RPS6KA2: variants seen among roughly 807,000 people sequenced by gnomAD.
RPS6KA2 encodes ribosomal protein S6 kinase A2.
Under a neutral mutation model 91.8 loss-of-function variants are expected in RPS6KA2, and 42 were observed. The observed-to-expected ratio is 0.46, with a 90% confidence interval of 0.36 to 0.59. The LOEUF (loss-of-function observed/expected upper bound fraction) is 0.59. Ranked by LOEUF, RPS6KA2 falls within the 20% of genes least tolerant of loss-of-function variation. The probability of loss-of-function intolerance (pLI) is 0.00; values close to 1 mark genes in which losing one functional copy is unlikely to be tolerated. For synonymous variants in RPS6KA2, 414 were observed against 393.6 expected, an observed-to-expected ratio of 1.05 and a Z score of -0.61; for missense variants, 798 against 978.5, an observed-to-expected ratio of 0.82 and a Z score of 2.46.
rs115655341 is a variant in RPS6KA2 at position 166,463,829 on chromosome 6, G to T, written c.973-4278C>A. Among the ~76,000 whole-genome samples, 541 of 152,284 alleles carry T rather than the reference G, an allele frequency of 3.6e-3. 1 individual carries two copies. Among genetic ancestry groups the T allele is most frequent in the African/African-American group, 0.012 (504 of 41,560 alleles). ...GAGAGAAGACAGGATCGAAAGCGCCGCAGGAAGAATCTAAACGATTTTCAA... is the reference window on the plus strand; with the variant it reads ...GAGAGAAGACAGGATCGAAAGCGCCTCAGGAAGAATCTAAACGATTTTCAA... On this transcript the variant is annotated intron_variant, in intron 11 of 20. Transcript: ENST00000265678.
chr6:166,428,048 A>G (rs1303673598), intron 16 of RPS6KA2, among the ~76,000 whole-genome samples: 4 of 151,870 alleles, frequency 2.6e-5, no homozygotes, highest in African/African-American at 7.3e-5. Flanking sequence ...ACCTGACTTC[A>G]AACTATACTA....
intron 1 of RPS6KA2, among the ~76,000 whole-genome samples, chr6:166,588,684 A>C (rs1785264803): frequency 6.6e-6 from 1 of 152,242 alleles, no homozygotes; most frequent in African/African-American, 2.4e-5. Flanking sequence ...TCTCAACTCC[A>C]GAATGTGGGC....
intron 10 of RPS6KA2, among the ~76,000 whole-genome samples, chr6:166,487,638 G>A (rs1562528291): frequency 6.6e-6 from 1 of 152,324 alleles, no homozygotes; most frequent in East Asian, 1.9e-4. Context: ...CAGGAAGGAA[G>A]AGTGGTTTAC....
rs796423387 is a variant in RPS6KA2, at chr6:166,417,649, ACACG to A, written c.1938+572_1938+575del. On this transcript the variant is annotated intron_variant, in intron 19 of 20. Transcript: ENST00000265678. The stretch of plus-strand genomic sequence containing the variant: ...CACACACACACACACACACACACAC[ACACG>A]CACGCATGTTCTGTTTGTTTCTTTG... Among the ~76,000 whole-genome samples the A allele has an allele frequency of 1.1e-4, 17 of 147,996 alleles. No homozygotes were observed. The South Asian group carries it at 3.7e-3, about 32-fold the overall frequency.
At chr6:166,830,505 T>C (rs1780158706) in intron 2 of RPS6KA2, among the ~76,000 whole-genome samples, 1 of 152,210 alleles carries the variant, frequency 6.6e-6, no homozygotes, top group Admixed American at 6.5e-5. Context: ...GTTAAGATGG[T>C]ACATTTTATA....
rs565485431 is a variant in RPS6KA2, at chr6:166,534,900, A to G, written c.217-3587T>C. Among the ~76,000 whole-genome samples, 9 of 152,364 alleles carry G rather than the reference A, an allele frequency of 5.9e-5. No homozygotes were observed. In the South Asian group the frequency reaches 1.9e-3, roughly 32 times the overall value. On this transcript the variant is annotated intron_variant, in intron 2 of 20. Transcript: ENST00000265678. ...GGCACCTTGAGACGAGCAGCAAAAT[A>G]CAGCAAAAATGCAAAAATGATTTTG...
chr6:166,585,347 T>A (rs1785135094), intron 1 of RPS6KA2, among the ~76,000 whole-genome samples: 1 of 152,238 alleles, frequency 6.6e-6, no homozygotes, highest in Non-Finnish European at 1.5e-5. Flanking sequence ...ATTGCTGACA[T>A]GTCTGTATTG....
chr6:166,768,156 G>C (rs2128605768), intron 2 of RPS6KA2, among the ~76,000 whole-genome samples: 1 of 152,308 alleles, frequency 6.6e-6, no homozygotes, highest in East Asian at 1.9e-4. Flanking sequence ...AGAAAGAGGA[G>C]GAAACCCAGA....
rs185939167 is a variant in RPS6KA2, at chr6:166,463,971, C to G, written c.973-4420G>C. On this transcript the variant is annotated intron_variant, in intron 11 of 20. Transcript: ENST00000265678. ...ACCTGAAGGGTGATGATTCATTGCA[C>G]AGAGTCCTTGCTGGGTTCCCTGAAG... Among the ~76,000 whole-genome samples, 15 of 152,270 alleles carry G rather than the reference C, an allele frequency of 9.9e-5. No individual in the cohort carries two copies. In the East Asian group the frequency reaches 2.7e-3, roughly 27 times the overall value.
chr6:166,723,065 A>G (rs949383023), intron 2 of RPS6KA2, among the ~76,000 whole-genome samples: 2 of 152,222 alleles, frequency 1.3e-5, no homozygotes, highest in African/African-American at 4.8e-5. Context: ...AAAAGAGCCC[A>G]GAATACTGTT....
At chr6:166,621,249 C>A (rs955340516) in intron 1 of RPS6KA2, among the ~76,000 whole-genome samples, 2 of 152,234 alleles carry the variant, frequency 1.3e-5, no homozygotes, top group Non-Finnish European at 2.9e-5. Context: ...CTGCTTCTGG[C>A]CTGCTTGGTA....
intron 1 of RPS6KA2, among the ~76,000 whole-genome samples, chr6:166,559,224 C>T (rs999794147): frequency 1.8e-4 from 27 of 151,920 alleles, no homozygotes; most frequent in African/African-American, 6.3e-4. Flanking sequence ...CCAGAACTAC[C>T]GTATCATTCT....
At chr6:166,835,951 A>G (rs1384718531) in intron 2 of RPS6KA2, among the ~76,000 whole-genome samples, 3 of 152,162 alleles carry the variant, frequency 2.0e-5, no homozygotes, top group African/African-American at 7.2e-5. Context: ...GAGTTTTCTC[A>G]AGTGATTTTT....
In RPS6KA2 at chr6:166,437,130, T is replaced by G. The variant is rs745751537; in HGVS notation, c.1333-4640A>C. 5.9e-5 allele frequency among the ~76,000 whole-genome samples: 9 copies of G among 151,998 alleles called. No homozygotes were observed. Among genetic ancestry groups the G allele is most frequent in the Non-Finnish European group, 1.2e-4 (8 of 68,014 alleles). Reference sequence around the variant, plus strand: ...TAACGCAGGAGTGGGCAGTGAGGTGTGGCTACAGTCCTGGAGTACATGACC... The same window carrying G: ...TAACGCAGGAGTGGGCAGTGAGGTGGGGCTACAGTCCTGGAGTACATGACC... On this transcript the variant is annotated intron_variant, in intron 14 of 20. Transcript: ENST00000265678. This position sits in a 1 kb window ranked among gnomAD's most constrained non-coding sequence, Gnocchi z 4.3.
At chr6:166,799,105 TC>T (rs1283026081) in intron 2 of RPS6KA2, among the ~76,000 whole-genome samples, 1 of 152,246 alleles carries the variant, frequency 6.6e-6, no homozygotes, top group Admixed American at 6.5e-5. Flanking sequence ...CAAATCTTTT[TC>T]CATTTCCATC....
At chr6:166,578,982 A>G (rs781109873) in intron 1 of RPS6KA2, among the ~76,000 whole-genome samples, 18 of 152,188 alleles carry the variant, frequency 1.2e-4, no homozygotes, top group Non-Finnish European at 2.4e-4. Flanking sequence ...TCTGCATTCT[A>G]TATTTCACAT....
chr6:166,672,665 G>C (rs866566677), intron 2 of RPS6KA2, among the ~76,000 whole-genome samples: 1 of 152,214 alleles, frequency 6.6e-6, no homozygotes, highest in South Asian at 2.1e-4. Context: ...TATTTTCTGA[G>C]AGAAAGGAAT....
intron 2 of RPS6KA2, among the ~76,000 whole-genome samples, chr6:166,790,319 T>C (rs181160976): frequency 3.9e-5 from 6 of 151,936 alleles, no homozygotes; most frequent in African/African-American, 1.5e-4. Flanking sequence ...GAGAAAAAAG[T>C]ATAAAAAGAA....
intron 2 of RPS6KA2, among the ~76,000 whole-genome samples, chr6:166,829,274 C>T (rs773161536): frequency 7.2e-5 from 11 of 152,136 alleles, no homozygotes; most frequent in Non-Finnish European, 1.3e-4. Flanking sequence ...GAAAACAGGA[C>T]GGTGGTTCCT....
Sources: allele counts gnomAD v4.1 joint callset (sites outside exome capture counted in the v4.1 genomes callset), GRCh38; gene constraint gnomAD v4.1.1; non-coding constraint Gnocchi (gnomAD v3.1); transcripts MANE v1.5; gene names NCBI Gene and HGNC (gene_info 2026-07-23, HGNC 2026-07-21).